Variants in FAM193B observed in about 807,000 individuals in gnomAD.
The protein encoded by FAM193B is family with sequence similarity 193 member B.
FAM193B carries 27 observed loss-of-function variants against 70.7 expected under a neutral mutation model. The observed-to-expected ratio is 0.38, with a 90% CI of 0.28 to 0.53. The LOEUF is 0.53. FAM193B is among the 20% of genes least tolerant of loss of function. FAM193B has a pLI of 0.81. For synonymous variants in FAM193B, 448 were observed against 436.0 expected (o/e 1.03, Z -0.34); for missense variants, 1,022 against 1,072.5 (o/e 0.95, Z 0.66).
chr5:177,537,856 C>T lies in FAM193B; in HGVS notation c.688+17G>A, dbSNP rs771114995. On this transcript the variant is annotated intron_variant, in intron 3 of 8. Transcript: ENST00000514747. ...ACATTTATAGGGCCTGGCTCTCTCCCGAGCCTGGAGACTCACCGGGGATGG... is the reference window on the plus strand; with the variant it reads ...ACATTTATAGGGCCTGGCTCTCTCCTGAGCCTGGAGACTCACCGGGGATGG... The T allele has an allele frequency of 1.8e-5, 29 of 1,600,420 alleles. 1 individual carries two copies. The highest frequency in any genetic ancestry group is 4.0e-5 in the African/African-American group (3 of 74,638).
chr5:177,535,235 C>T (rs1044928624), intron 4 of FAM193B, among the ~76,000 whole-genome samples: 3 of 152,196 alleles, frequency 2.0e-5, no homozygotes, highest in South Asian at 2.1e-4. Flanking sequence ...ACATGAATTG[C>T]GGTCGATGTT....
chr5:177,531,616 G>A (rs1041353170), intron 5 of FAM193B: 39 of 1,052,342 alleles, frequency 3.7e-5, no homozygotes, highest in Non-Finnish European at 4.7e-5. Flanking sequence ...TGAGAAGCAA[G>A]ACAACTGTTC....
At chr5:177,550,050 T>A (rs1766000801) in intron 1 of FAM193B, among the ~76,000 whole-genome samples, 1 of 152,178 alleles carries the variant, frequency 6.6e-6, no homozygotes, top group South Asian at 2.1e-4. Context: ...TGTAGTGGCA[T>A]GCACATGTAG....
intron 1 of FAM193B, chr5:177,551,926 C>CA (rs1766303022): frequency 4.6e-6 from 3 of 646,786 alleles, no homozygotes; most frequent in Non-Finnish European, 5.8e-6. Flanking sequence ...AGCCTGCTTC[C>CA]AGACCCCACC....
chr5:177,553,838 G>A (rs774823098), intron 1 of FAM193B: 8 of 1,281,950 alleles, frequency 6.2e-6, no homozygotes, highest in African/African-American at 1.5e-5. Flanking sequence ...CCCGGGGGCA[G>A]AGGGAAGAGG....
At chr5:177,524,060 GT>G (rs778120065) in intron 6 of FAM193B, 28 bp from the exon 7 acceptor site, 1 of 1,613,914 alleles carries the variant, frequency 6.2e-7, no homozygotes, top group East Asian at 2.2e-5. Context: ...GGAGGGCTCA[GT>G]GCCCATGGCC....
At chr5:177,553,746 G>A (rs1305549539) in intron 1 of FAM193B, 25 of 1,287,704 alleles carry the variant, frequency 1.9e-5, no homozygotes, top group Non-Finnish European at 2.5e-5. Flanking sequence ...TGCTCTGCTG[G>A]GTATGGCGAG....
Position 177,538,148 on chromosome 5 carries a change from AACATCGGAGCTG to A in FAM193B, c.454-53_454-42del. On this transcript the variant is annotated intron_variant, in intron 2 of 8. Transcript: ENST00000514747. This position sits in a 1 kb window ranked among gnomAD's most constrained non-coding sequence, Gnocchi z 4.1. ...GAAAAAGGCTCACGGTCAAACAGCA[AACATCGGAGCTG>A]ACCCTCTGCTGCCTCAGCTTTTCCT... 6.6e-7 allele frequency: 1 copy of A among 1,503,978 alleles called. No homozygotes were observed. The highest frequency in any genetic ancestry group is 8.9e-7 in the Non-Finnish European group (1 of 1,118,958). The allele number at this position is 1,503,978 out of a possible 1,614,324, so 93.2% of individuals were successfully genotyped here.
At position 177,524,343 on chromosome 5, in the gene FAM193B, C is replaced by G. The variant is rs765121391; in HGVS notation, c.2138G>C (p.Gly713Ala). 76 of 1,579,844 alleles carry G rather than the reference C, an allele frequency of 4.8e-5. No individual in the cohort carries two copies. The highest frequency in any genetic ancestry group is 6.2e-5 in the Non-Finnish European group (72 of 1,163,482). ...AGSPKTEKEK[G>A]SSWRNWPGEA... ...GCCTGGCCAGTTTCGCCAGGAGCTGCCCTTCTCCTTCTCAGTTTTGGGACT... is the reference window on the plus strand; with the variant it reads ...GCCTGGCCAGTTTCGCCAGGAGCTGGCCTTCTCCTTCTCAGTTTTGGGACT... Residue 713 changes from glycine (G) to alanine (A), a missense_variant, in exon 6 of 9, where the codon GGC (glycine) becomes GCC (alanine). By Grantham distance (60) the Gly-to-Ala change is moderately conservative (BLOSUM62 0). Transcript: ENST00000514747.
chr5:177,537,600 C>T (rs1037441311), intron 3 of FAM193B, among the ~76,000 whole-genome samples: 5 of 152,204 alleles, frequency 3.3e-5, no homozygotes, highest in African/African-American at 9.7e-5. Flanking sequence ...CAGACCTCAC[C>T]GGATGCCCTC....
chr5:177,521,319 A>G (rs1174776754), intron 8 of FAM193B, among the ~76,000 whole-genome samples: 1 of 152,194 alleles, frequency 6.6e-6, no homozygotes, highest in Non-Finnish European at 1.5e-5. Context: ...ATCATCTGGT[A>G]CATCATTGTT....
Position 177,532,060 on chromosome 5 carries a change from G to C in FAM193B, c.1275+383C>G. ...GTGCTCACGGCCTGTCCCTCGGCTG[G>C]CTGTCACACTTGGGGGACTGAGAGC... On this transcript the variant is annotated intron_variant, in intron 5 of 8. Transcript: ENST00000514747. The surrounding 1 kb of genome is among the most constrained non-coding windows in gnomAD (Gnocchi z 4.9). 7.7e-7 allele frequency: 1 copy of C among 1,295,022 alleles called. No homozygotes were observed. Among genetic ancestry groups the C allele is most frequent in the African/African-American group, 1.5e-5 (1 of 66,218 alleles). 80.2% of individuals were successfully genotyped at this position (1,295,022 alleles called of 1,614,324 possible).
chr5:177,520,804 G>A (rs549519916), intron 8 of FAM193B, among the ~76,000 whole-genome samples: 1 of 152,318 alleles, frequency 6.6e-6, no homozygotes, highest in East Asian at 1.9e-4. Context: ...GATACTTCTG[G>A]GGCTTGTGGG....
In FAM193B at chr5:177,536,576, G is replaced by C; in HGVS notation, c.858C>G (p.Phe286Leu). ...CAGGGCACTCTGAAGCCTGGGCAGG[G>C]AAAGGTGCTGCCGGGGTGGTGGGCA... is the stretch of plus-strand genomic sequence containing the variant. ...HLLPTTPAAP[F>L]PAQASECPVA... Residue 286 changes from phenylalanine to leucine, a missense_variant, in exon 4 of 9, where the codon TTC becomes TTG. By Grantham distance (22) the Phe-to-Leu change is conservative (BLOSUM62 0). Transcript: ENST00000514747. The C allele has an allele frequency of 6.6e-7, 1 of 1,524,860 alleles. No individual in the cohort carries two copies. The highest frequency in any genetic ancestry group is 1.2e-5 in the South Asian group (1 of 80,384). 94.5% of individuals were successfully genotyped at this position (1,524,860 alleles called of 1,614,324 possible).
chr5:177,537,727 T>TCTAAGCTGCCCCTGCTTC, intron 3 of FAM193B, 146 bp downstream of exon 3: 1 of 1,195,316 alleles, frequency 8.4e-7, no homozygotes, highest in East Asian at 2.7e-5. Flanking sequence ...ATAGTCAAGG[T>TCTAAGCTGCCCCTGCTTC]CTAAGCTGCC....
chr5:177,540,201 G>A (rs550567761), intron 1 of FAM193B, among the ~76,000 whole-genome samples: 53 of 151,974 alleles, frequency 3.5e-4, no homozygotes, highest in Admixed American at 3.1e-3. Flanking sequence ...CAGCTACTCG[G>A]GAGGCTGGGG....
chr5:177,527,922 A>C (rs778499888), intron 5 of FAM193B, among the ~76,000 whole-genome samples: 2 of 152,236 alleles, frequency 1.3e-5, no homozygotes, highest in Non-Finnish European at 2.9e-5. Flanking sequence ...TACCTGTGGG[A>C]CGTCCACAAG....
intron 1 of FAM193B, among the ~76,000 whole-genome samples, chr5:177,544,971 G>A (rs1375865452): frequency 1.3e-5 from 2 of 152,084 alleles, no homozygotes; most frequent in Non-Finnish European, 2.9e-5. Context: ...GAATACAGAA[G>A]CATATATGAG....
At chr5:177,529,358 C>T (rs1038926093) in intron 5 of FAM193B, among the ~76,000 whole-genome samples, 6 of 151,958 alleles carry the variant, frequency 3.9e-5, no homozygotes, top group African/African-American at 1.4e-4. Flanking sequence ...GGTGGAGAGC[C>T]AGACTGTGAA....
Sources: gnomAD v4.1 joint callset for allele counts (sites outside exome capture counted in the v4.1 genomes callset) on GRCh38, gnomAD v4.1.1 for gene constraint, Gnocchi (gnomAD v3.1) non-coding constraint, MANE v1.5 for transcripts, NCBI Gene and HGNC (gene_info 2026-07-23, HGNC 2026-07-21) for gene names.